Variants in ZFHX3 observed in about 807,000 individuals in gnomAD.
The protein encoded by ZFHX3 is zinc finger homeobox protein 3.
Under a neutral mutation model 279.1 loss-of-function variants are expected in ZFHX3, and 42 were observed. The observed-to-expected ratio is 0.15, with a 90% CI of 0.12 to 0.19. ZFHX3 has a LOEUF of 0.19. ZFHX3 is among the 10% of genes least tolerant of loss of function. ZFHX3 has a pLI of 1.00. For synonymous variants in ZFHX3, 2,293 were observed against 1,957.8 expected, an observed-to-expected ratio of 1.17 and a Z score of -4.52; for missense variants, 4,981 against 4,754.0, an observed-to-expected ratio of 1.05 and a Z score of -1.40.
At chr16:73,265,564 G>A (rs2144973560) in intron 4 of ZFHX3, among the ~76,000 whole-genome samples, 1 of 152,254 alleles carries the variant, frequency 6.6e-6, no homozygotes, top group East Asian at 1.9e-4. Context: ...GGAGCAAAGT[G>A]GTTTCACCCG....
In ZFHX3 at chr16:72,830,322, C is replaced by T. The variant is rs1246067497; in HGVS notation, c.3449-463G>A. 2.6e-5 allele frequency among the ~76,000 whole-genome samples: 4 copies of T among 152,218 alleles called. No individual in the cohort carries two copies. The South Asian group carries it at 6.2e-4, about 24-fold the overall frequency. On this transcript the variant is annotated intron_variant, in intron 4 of 9. Transcript: ENST00000268489. ...ACCAGCCCCAGTCACTGACCCCTCA[C>T]AGGGCTCACAGTGCCTATGCATGTG...
intron 1 of ZFHX3, among the ~76,000 whole-genome samples, chr16:73,855,814 A>G (rs1055899824): frequency 1.3e-5 from 2 of 152,222 alleles, no homozygotes; most frequent in Non-Finnish European, 2.9e-5. Context: ...AACATTCAGC[A>G]AAGGCATCCC....
At chr16:73,686,590 G>T (rs1334145359) in intron 1 of ZFHX3, among the ~76,000 whole-genome samples, 4 of 152,176 alleles carry the variant, frequency 2.6e-5, no homozygotes, top group Non-Finnish European at 2.9e-5. Flanking sequence ...CTCTGGAGCT[G>T]CCCAGAGTGA....
intron 1 of ZFHX3, among the ~76,000 whole-genome samples, chr16:73,798,074 G>T (rs1960045794): frequency 1.3e-5 from 2 of 152,010 alleles, no homozygotes; most frequent in South Asian, 4.1e-4. Flanking sequence ...CTCTCAAAGT[G>T]CTGAGATTAT....
chr16:73,153,386 A>G (rs1479192186), intron 5 of ZFHX3, among the ~76,000 whole-genome samples: 1 of 152,134 alleles, frequency 6.6e-6, no homozygotes, highest in Non-Finnish European at 1.5e-5. Flanking sequence ...CCGTCTCCCA[A>G]AGTGCTGGGA....
chr16:73,874,571 C>T (rs1250366384), intron 1 of ZFHX3, among the ~76,000 whole-genome samples: 3 of 152,178 alleles, frequency 2.0e-5, no homozygotes, highest in Admixed American at 6.5e-5. Flanking sequence ...ACAGTTCAAT[C>T]CTGTGTTTGT....
chr16:72,942,962 G>C (rs553983325), intron 3 of ZFHX3, among the ~76,000 whole-genome samples: 2 of 152,332 alleles, frequency 1.3e-5, no homozygotes, highest in African/African-American at 4.8e-5. Context: ...TGCCAGGAAA[G>C]AGAGCCAGGC....
chr16:72,795,145 G>A lies in ZFHX3; in HGVS notation c.7537C>T (p.His2513Tyr), dbSNP rs1002276289. Residue 2513 changes from histidine to tyrosine, a missense_variant, in exon 9 of 10, where the codon CAC (histidine) becomes TAC (tyrosine). This residue lies in a region of ZFHX3 where 744 missense variants were observed against 701.3 expected (regional missense o/e 1.06). Transcript: ENST00000268489. ...QLSHLPLKPL[H>Y]TSTPQQLANL... ...GCGAGCTGTTGAGGAGTTGATGTGT[G>A]GAGGGGCTTGAGGGGCAGGTGGGAG... is the stretch of plus-strand genomic sequence containing the variant. 1.7e-5 allele frequency: 27 copies of A among 1,613,520 alleles called. No individual in the cohort carries two copies. Among genetic ancestry groups the A allele is most frequent in the African/African-American group, 2.7e-5 (2 of 74,874 alleles).
intron 7 of ZFHX3, among the ~76,000 whole-genome samples, chr16:73,109,061 C>T (rs1966339768): frequency 6.6e-6 from 1 of 152,238 alleles, no homozygotes; most frequent in Admixed American, 6.5e-5. Context: ...AGAGGGGACC[C>T]TCCACAGCCA....
chr16:72,913,015 G>A (rs1315784333), intron 3 of ZFHX3, among the ~76,000 whole-genome samples: 1 of 152,152 alleles, frequency 6.6e-6, no homozygotes, highest in Non-Finnish European at 1.5e-5. Flanking sequence ...GAGCCACCAC[G>A]CCCAGCCCTA....
At chr16:73,458,242 A>G (rs1417777071) in intron 2 of ZFHX3, among the ~76,000 whole-genome samples, 1 of 151,936 alleles carries the variant, frequency 6.6e-6, no homozygotes, top group Admixed American at 6.6e-5. Context: ...AAGACACCCA[A>G]GTAGAATTCT....
In ZFHX3 at chr16:73,465,011, C is replaced by T. The variant is rs1357299093; in HGVS notation, c.-1546-8753G>A. 2.6e-5 allele frequency among the ~76,000 whole-genome samples: 4 copies of T among 152,210 alleles called. No individual in the cohort carries two copies. In the South Asian group the frequency reaches 6.2e-4, roughly 24 times the overall value. On this transcript the variant is annotated intron_variant, in intron 2 of 17. Transcript: ENST00000641206. ...CATGGGCAGGCAGGCTGGATGTGCA[C>T]ATGCCCTAAGCAGGCTGGCACGATC...
intron 4 of ZFHX3, among the ~76,000 whole-genome samples, chr16:72,882,977 G>T (rs936900520): frequency 2.1e-4 from 14 of 65,390 alleles, no homozygotes; most frequent in East Asian, 2.0e-3. Context: ...ACCACTCTGG[G>T]GTGTGTGTGT....
At chr16:72,965,177 C>T (rs1961775837) in intron 1 of ZFHX3, among the ~76,000 whole-genome samples, 1 of 152,228 alleles carries the variant, frequency 6.6e-6, no homozygotes, top group South Asian at 2.1e-4. Flanking sequence ...CCGCACCTGG[C>T]CTGTTTTTCT....
At chr16:73,398,943 C>T (rs904827206) in intron 3 of ZFHX3, among the ~76,000 whole-genome samples, 18 of 152,030 alleles carry the variant, frequency 1.2e-4, no homozygotes, top group African/African-American at 3.9e-4. Context: ...CAGCTCAGTG[C>T]AACCTCTGCC....
intron 1 of ZFHX3, among the ~76,000 whole-genome samples, chr16:73,781,249 C>T (rs13332272): frequency 0.065 from 9,911 of 152,232 alleles, 611 homozygotes; most frequent in African/African-American, 0.16. Flanking sequence ...GATTCTCAAA[C>T]TTCAACATTC....
chr16:73,773,258 AGAG>A lies in ZFHX3; in HGVS notation c.-1607-93021_-1607-93019del, dbSNP rs1161903937. On this transcript the variant is annotated intron_variant, in intron 1 of 17. Coordinates refer to the ZFHX3 transcript ENST00000641206. Reference sequence around the variant, plus strand: ...CATTTCCACCATCACAGAAAGTTCTAGAGGAGGGTGCCACCCCAGGCAGCTGTG... The same window carrying A: ...CATTTCCACCATCACAGAAAGTTCTAGAGGGTGCCACCCCAGGCAGCTGTG... Among the ~76,000 whole-genome samples, 3 of 152,230 alleles carry A rather than the reference AGAG, an allele frequency of 2.0e-5. No individual in the cohort carries two copies. The East Asian group carries it at 5.8e-4, about 29-fold the overall frequency.
At chr16:73,879,819 G>A (rs1327830768) in intron 1 of ZFHX3, among the ~76,000 whole-genome samples, 2 of 151,710 alleles carry the variant, frequency 1.3e-5, no homozygotes, top group East Asian at 3.9e-4. Flanking sequence ...CTTGCCACTG[G>A]CGCACCCACA....
chr16:72,795,479 T>C lies in ZFHX3; in HGVS notation c.7203A>G (p.Thr2401=). The C allele has an allele frequency of 3.1e-6, 5 of 1,614,148 alleles. No homozygotes were observed. Among genetic ancestry groups the C allele is most frequent in the Non-Finnish European group, 4.2e-6 (5 of 1,180,026 alleles). Residue 2401 remains threonine, a synonymous_variant, in exon 9 of 10, where the codon ACA becomes ACG. Transcript: ENST00000268489. ...YSAPAPSANN[T]ASSAFLQLTA... ...TAAGCTGCAAGAAAGCGGAGGAAGCTGTATTATTGGCTGATGGTGCTGGGG... is the reference window on the plus strand; with the variant it reads ...TAAGCTGCAAGAAAGCGGAGGAAGCCGTATTATTGGCTGATGGTGCTGGGG...
Sources: gnomAD v4.1 joint callset for allele counts (sites outside exome capture counted in the v4.1 genomes callset) on GRCh38, gnomAD v4.1.1 for gene constraint, gnomAD v4.1.1 regional missense constraint, MANE v1.5 for transcripts, NCBI Gene and HGNC (gene_info 2026-07-23, HGNC 2026-07-21) for gene names.